SH3YL1: variants seen among roughly 807,000 people sequenced by gnomAD.
SH3YL1 encodes SH3 domain-containing YSC84-like protein 1.
In SH3YL1, 41 loss-of-function variants were observed where a neutral mutation model predicts 45.8. The ratio of observed to expected loss-of-function variants is 0.89; its 90% CI spans 0.70 to 1.16. The LOEUF (loss-of-function observed/expected upper bound fraction) is 1.16. Ranked by LOEUF, SH3YL1 falls within the 50% of genes most tolerant of loss-of-function variation. SH3YL1 has a pLI of 0.00. For missense variants in SH3YL1, 389 were observed against 409.6 expected (o/e 0.95, Z 0.43); for synonymous variants, 152 against 151.4 (o/e 1.00, Z -0.03).
intron 4 of SH3YL1, among the ~76,000 whole-genome samples, chr2:244,059 C>A (rs1002171898): frequency 6.6e-6 from 1 of 152,160 alleles, no homozygotes; most frequent in Non-Finnish European, 1.5e-5. Context: ...TGGGAGCAGA[C>A]GCTTCCCAAT....
chr2:264,119 C>T (rs1486235378), upstream of SH3YL1: 4 of 1,243,744 alleles, frequency 3.2e-6, no homozygotes, highest in Non-Finnish European at 3.1e-6. Flanking sequence ...CGCAAAACAC[C>T]CGCCGTGTAC....
chr2:229,545 C>T lies in SH3YL1; in HGVS notation c.781+421G>A, dbSNP rs569414541. ...GAGATCGAGACCATCCCGGCTAAAA[C>T]GGTGAAACCCCGTCTCTACTAAAAA... On this transcript the variant is annotated intron_variant, in intron 8 of 9. Coordinates refer to ENST00000356150, the MANE Select transcript of SH3YL1 (RefSeq NM_015677.4). 1.1e-3 allele frequency among the ~76,000 whole-genome samples: 173 copies of T among 151,596 alleles called. 2 individuals are homozygous for T. The highest frequency in any genetic ancestry group is 3.6e-3 in the African/African-American group (149 of 41,396).
At position 257,094 on chromosome 2, in the gene SH3YL1, C is replaced by T. The variant is rs1274996064; in HGVS notation, c.2-3979G>A. Among the ~76,000 whole-genome samples the T allele has an allele frequency of 5.3e-5, 8 of 151,804 alleles. No homozygotes were observed. In the East Asian group the frequency reaches 1.4e-3, roughly 26 times the overall value. On this transcript the variant is annotated intron_variant, in intron 1 of 9. Transcript: ENST00000356150. ...ATACTTTAACGGAGTTGTTTTTTTG[C>T]TTGTTAATTTGTTTAAATTTCTTAT...
intron 4 of SH3YL1, among the ~76,000 whole-genome samples, chr2:236,062 C>T (rs71337616): frequency 7.5e-5 from 3 of 40,048 alleles, no homozygotes; most frequent in Non-Finnish European, 1.6e-4. Context: ...GCAGCATGGG[C>T]CAGGGGAGGC....
intron 4 of SH3YL1, among the ~76,000 whole-genome samples, chr2:235,654 G>A (rs1668261708): frequency 8.9e-6 from 1 of 111,996 alleles, no homozygotes; most frequent in African/African-American, 3.7e-5. Context: ...ATGGGCCAGG[G>A]GAGGCAGCAG....
intron 1 of SH3YL1, chr2:259,411 ACT>A (rs962244915): frequency 6.0e-5 from 9 of 151,134 alleles, no homozygotes; most frequent in South Asian, 2.1e-4. Flanking sequence ...AAAAACATTG[ACT>A]CTCTGTTACT....
intron 4 of SH3YL1, chr2:243,566 T>TC: frequency 6.8e-7 from 1 of 1,467,370 alleles, no homozygotes; most frequent in Non-Finnish European, 9.0e-7. Context: ...AATGTGTCTA[T>TC]TAAAAAAAAA....
intron 6 of SH3YL1, 173 bp downstream of exon 6, chr2:232,928 G>A: frequency 2.3e-6 from 1 of 440,434 alleles, no homozygotes; most frequent in Non-Finnish European, 3.7e-6. Context: ...TGTGTCTTCT[G>A]CATTTTCTAC....
At chr2:262,335 A>G (rs36216559) in intron 1 of SH3YL1, 61,080 of 204,746 alleles carry the variant, frequency 0.3, 9,655 homozygotes, top group Non-Finnish European at 0.34. Context: ...TCTGAACATC[A>G]AGTGCTAGCC....
chr2:242,752 T>C (rs1224683632), intron 4 of SH3YL1: 3 of 1,465,110 alleles, frequency 2.0e-6, no homozygotes, highest in Non-Finnish European at 1.8e-6. Context: ...AACAACAACA[T>C]CCAATTATAT....
chr2:244,262 C>T lies in SH3YL1; in HGVS notation c.291+3276G>A, dbSNP rs555547756. Among the ~76,000 whole-genome samples the T allele has an allele frequency of 2.1e-3, 324 of 151,790 alleles. 2 individuals carry two copies. Among genetic ancestry groups the T allele is most frequent in the African/African-American group, 7.5e-3 (309 of 41,408 alleles). On this transcript the variant is annotated intron_variant, in intron 4 of 9. Coordinates refer to ENST00000356150, the MANE Select transcript of SH3YL1 (RefSeq NM_015677.4). ...CTTTAATCCCAGCACTTTGGGAGGCCGAGGCAGGCGGATCACGAGGTCAGG... is the reference window on the plus strand; with the variant it reads ...CTTTAATCCCAGCACTTTGGGAGGCTGAGGCAGGCGGATCACGAGGTCAGG...
intron 4 of SH3YL1, among the ~76,000 whole-genome samples, chr2:237,393 C>A (rs1372831937): frequency 1.3e-5 from 2 of 152,014 alleles, no homozygotes; most frequent in Non-Finnish European, 2.9e-5. Flanking sequence ...GCTCTGCAGA[C>A]AGCTTGGCGA....
chr2:228,728 G>A (rs1265143813), intron 8 of SH3YL1, among the ~76,000 whole-genome samples: 1 of 152,136 alleles, frequency 6.6e-6, no homozygotes, highest in Non-Finnish European at 1.5e-5. Flanking sequence ...GACAGACGCA[G>A]GGGCAGGAGG....
chr2:254,168 GC>G (rs1476009373), intron 1 of SH3YL1, among the ~76,000 whole-genome samples: 1 of 152,128 alleles, frequency 6.6e-6, no homozygotes, highest in Non-Finnish European at 1.5e-5. Context: ...GGAACTGGCT[GC>G]CTGTAGACTT....
intron 8 of SH3YL1, among the ~76,000 whole-genome samples, chr2:229,189 G>A (rs1314659858): frequency 6.6e-6 from 1 of 152,046 alleles, no homozygotes; most frequent in Non-Finnish European, 1.5e-5. Flanking sequence ...ATGATAGAGA[G>A]AAAGATAAAG....
chr2:248,584 A>C (rs1027497543), intron 3 of SH3YL1, among the ~76,000 whole-genome samples: 5 of 152,094 alleles, frequency 3.3e-5, no homozygotes, highest in African/African-American at 1.2e-4. Context: ...AGGTTTTAAA[A>C]CCAGTAGAAA....
upstream of SH3YL1, chr2:264,606 C>CG (rs1198704495): frequency 2.7e-5 from 2 of 74,658 alleles, no homozygotes; most frequent in African/African-American, 8.6e-5. Context: ...CTCCCCCCCG[C>CG]CAACCCCCGC....
rs191784539 is a variant in SH3YL1, at chr2:247,603, C to T, written c.227-1G>A. ...CCAATGGCTGAGGGTGCAGACCATT[C>T]TAATAAAAAAACAAACGAACGTTAT... On this transcript the variant is annotated splice_acceptor_variant, in intron 3 of 9. Coordinates refer to ENST00000356150, the MANE Select transcript of SH3YL1 (RefSeq NM_015677.4). LOFTEE classifies it high-confidence loss of function. 1 of 1,548,680 alleles carries T rather than the reference C, an allele frequency of 6.5e-7. No homozygotes were observed. Among genetic ancestry groups the T allele is most frequent in the Admixed American group, 2.0e-5 (1 of 50,200 alleles).
intron 1 of SH3YL1, chr2:262,172 TG>T (rs1388885416): frequency 1.9e-5 from 3 of 155,416 alleles, no homozygotes; most frequent in Non-Finnish European, 4.3e-5. Flanking sequence ...TTGACAACTA[TG>T]GCCTTTGTTT....
Sources: gnomAD v4.1 joint callset for allele counts (sites outside exome capture counted in the v4.1 genomes callset) on GRCh38, gnomAD v4.1.1 for gene constraint, MANE v1.5 for transcripts, NCBI Gene and HGNC (gene_info 2026-07-23, HGNC 2026-07-21) for gene names.